The following TBC1D24 variants were observed in gnomAD, a reference collection of about 807,000 sequenced individuals.
TBC1D24 encodes Infantile myoclonic epilepsy.
TBC1D24 carries 47 observed loss-of-function variants against 50.7 expected under a neutral mutation model. The ratio of observed to expected loss-of-function variants is 0.93; its 90% CI spans 0.73 to 1.18. The LOEUF is 1.18. TBC1D24 is among the 50% of genes most tolerant of loss of function. The probability of loss-of-function intolerance (pLI) is 0.00; values close to 1 mark genes in which losing one functional copy is unlikely to be tolerated. For missense variants in TBC1D24, 688 were observed against 766.5 expected (o/e 0.90, Z 1.21); for synonymous variants, 324 against 335.2 (o/e 0.97, Z 0.36).
rs2065618211 is a variant in TBC1D24 at position 2,482,619 on chromosome 16, G to A, written c.-116+7449G>A. Among the ~76,000 whole-genome samples the A allele has an allele frequency of 6.6e-6, 1 of 152,190 alleles. No individual in the cohort carries two copies. ...GAGAGGGTTTCGGGTGGAGAACGGTGACCGGGTGAAGCCCTGAGTGGGCAG... is the reference window on the plus strand; with the variant it reads ...GAGAGGGTTTCGGGTGGAGAACGGTAACCGGGTGAAGCCCTGAGTGGGCAG... On this transcript the variant is annotated intron_variant, in intron 1 of 7. Transcript: ENST00000646147. The surrounding 1 kb of genome is among the most constrained non-coding windows in gnomAD (Gnocchi z 5.2).
Position 2,500,585 on chromosome 16 carries a change from A to G in TBC1D24, c.1525+95A>G. Reference sequence around the variant, plus strand: ...CCCTCCCTGACCGGGGTGGCAGAGAAGAGGCCCTGGGTGTCAGGGTGGACC... The same window carrying G: ...CCCTCCCTGACCGGGGTGGCAGAGAGGAGGCCCTGGGTGTCAGGGTGGACC... On this transcript the variant is annotated intron_variant, in intron 7 of 7. Coordinates refer to ENST00000646147, the MANE Select transcript of TBC1D24 (RefSeq NM_001199107.2). The surrounding 1 kb of genome is among the most constrained non-coding windows in gnomAD (Gnocchi z 8.0). The G allele has an allele frequency of 7.1e-7, 1 of 1,399,316 alleles. No individual in the cohort carries two copies. The highest frequency in any genetic ancestry group is 2.1e-5 in the Admixed American group (1 of 48,614). The allele number at this position is 1,399,316 out of a possible 1,614,324, so 86.7% of individuals were successfully genotyped here.
In TBC1D24 at chr16:2,482,822, C is replaced by T. The variant is rs1009952280; in HGVS notation, c.-116+7652C>T. 1.3e-5 allele frequency among the ~76,000 whole-genome samples: 2 copies of T among 152,170 alleles called. No homozygotes were observed. Among genetic ancestry groups the T allele is most frequent in the Non-Finnish European group, 1.5e-5 (1 of 67,992 alleles). On this transcript the variant is annotated intron_variant, in intron 1 of 7. Coordinates refer to ENST00000646147, the MANE Select transcript of TBC1D24 (RefSeq NM_001199107.2). The surrounding 1 kb of genome is among the most constrained non-coding windows in gnomAD (Gnocchi z 5.2). The stretch of plus-strand genomic sequence containing the variant: ...CAGGCACGGGCGGTGGAGGAGCAGC[C>T]GCGGAGAGGTGAGGGGATGCCTGGC...
At chr16:2,497,792 C>T (rs1410439541) in intron 3 of TBC1D24, 65 bp downstream of exon 3, 25 of 1,475,774 alleles carry the variant, frequency 1.7e-5, no homozygotes, top group Non-Finnish European at 2.3e-5. Context: ...TCTAGGCCAG[C>T]TGCTTGCTCT....
Position 2,487,191 on chromosome 16 carries a change from C to A in TBC1D24, c.-115-8843C>A, listed in dbSNP as rs1246710187. On this transcript the variant is annotated intron_variant, in intron 1 of 7. Transcript: ENST00000646147. The surrounding 1 kb of genome is among the most constrained non-coding windows in gnomAD (Gnocchi z 4.1). Reference sequence around the variant, plus strand: ...ACCCACAGGCTGCCTCCACACCTTTCCGCCCCTTCCACAGCAGCAGGCACA... The same window carrying A: ...ACCCACAGGCTGCCTCCACACCTTTACGCCCCTTCCACAGCAGCAGGCACA... 6.6e-6 allele frequency among the ~76,000 whole-genome samples: 1 copy of A among 152,272 alleles called. No individual in the cohort carries two copies. Among genetic ancestry groups the A allele is most frequent in the Non-Finnish European group, 1.5e-5 (1 of 68,050 alleles).
At chr16:2,481,675 A>T (rs2065611422) in intron 1 of TBC1D24, 1 of 152,292 alleles carries the variant, frequency 6.6e-6, no homozygotes, top group African/African-American at 2.4e-5. Flanking sequence ...GTCCTGTGCC[A>T]GCTCCAGCCC....
At position 2,499,321 on chromosome 16, in the gene TBC1D24, G is replaced by A. The variant is rs1436259768; in HGVS notation, c.1143-36G>A. The A allele has an allele frequency of 3.8e-6, 6 of 1,598,960 alleles. No homozygotes were observed. Among genetic ancestry groups the A allele is most frequent in the East Asian group, 2.2e-5 (1 of 44,534 alleles). On this transcript the variant is annotated intron_variant, in intron 4 of 7. Transcript: ENST00000646147. This position sits in a 1 kb window ranked among gnomAD's most constrained non-coding sequence, Gnocchi z 4.0. ...CTGCAGGAGGCGGCTGGGAGGGTGT[G>A]CAGGGTGACAGCTGGCATGCGTGTC...
Position 2,496,798 on chromosome 16 carries a change from T to A in TBC1D24, c.650T>A (p.Phe217Tyr), listed in dbSNP as rs1441237124. The change falls in exon 2 of 8, where the codon TTT becomes TAT. Residue 217 changes from phenylalanine (F) to tyrosine (Y), a missense_variant. By Grantham distance (22) the Phe-to-Tyr change is conservative. Transcript: ENST00000646147. ...QVYADWQRWL[F>Y]GELPLCYFAR... ...TATGCGGACTGGCAGCGCTGGCTGT[T>A]TGGGGAGCTGCCCCTCTGCTACTTC... The A allele has an allele frequency of 6.2e-7, 1 of 1,614,000 alleles. No individual in the cohort carries two copies. The highest frequency in any genetic ancestry group is 8.5e-7 in the Non-Finnish European group (1 of 1,180,032).
At chr16:2,492,602 C>T (rs1166100152) in intron 1 of TBC1D24, among the ~76,000 whole-genome samples, 2 of 152,124 alleles carry the variant, frequency 1.3e-5, no homozygotes, top group South Asian at 2.1e-4. Flanking sequence ...GATAACCGAC[C>T]GACACGTGTA....
intron 1 of TBC1D24, among the ~76,000 whole-genome samples, chr16:2,490,585 T>C (rs1043965616): frequency 2.0e-5 from 3 of 152,212 alleles, no homozygotes. Context: ...GTCACCCTTA[T>C]GTCACCTGCA....
chr16:2,493,100 T>A (rs2065709427), intron 1 of TBC1D24, among the ~76,000 whole-genome samples: 1 of 151,604 alleles, frequency 6.6e-6, no homozygotes, highest in African/African-American at 2.4e-5. Context: ...CTCAAAAAAA[T>A]AAATAAATAA....
chr16:2,504,414 C>CTTTTTTTTT lies in TBC1D24; in HGVS notation c.*3470_*3478dup, dbSNP rs901354911. ...AACCACAGGCCTATTGAGATTGTCC[C>CTTTTTTTTT]TTTTTTTTTTTTTTTTTTTTTTGAG... On this transcript the variant is annotated 3_prime_UTR_variant, in exon 8 of 8. Transcript: ENST00000646147. The CTTTTTTTTT allele has an allele frequency of 9.5e-5, 12 of 125,660 alleles. No individual in the cohort carries two copies. The highest frequency in any genetic ancestry group is 4.0e-4 in the African/African-American group (12 of 29,986). 7.8% of individuals were successfully genotyped at this position (125,660 alleles called of 1,614,324 possible). A position where few individuals can be genotyped will look rare whatever the true frequency, so the allele number is the denominator to read the frequency against.
At position 2,482,057 on chromosome 16, in the gene TBC1D24, C is replaced by T. The variant is rs1002716293; in HGVS notation, c.-116+6887C>T. On this transcript the variant is annotated intron_variant, in intron 1 of 7. Coordinates refer to ENST00000646147, the MANE Select transcript of TBC1D24 (RefSeq NM_001199107.2). This position sits in a 1 kb window ranked among gnomAD's most constrained non-coding sequence, Gnocchi z 5.2. ...CTCTGCTTCAGGCTGAGGCAGGCAC[C>T]CCTTACCTTCCTGTTATGTGAAGAT... is the stretch of plus-strand genomic sequence containing the variant. The T allele has an allele frequency of 6.6e-6, 1 of 152,236 alleles. No homozygotes were observed. The highest frequency in any genetic ancestry group is 2.4e-5 in the African/African-American group (1 of 41,452). 9.4% of individuals were successfully genotyped at this position (152,236 alleles called of 1,614,324 possible).
In TBC1D24 at chr16:2,496,860, A is replaced by G. The variant is rs1346421548; in HGVS notation, c.712A>G (p.Lys238Glu). 1 of 1,613,938 alleles carries G rather than the reference A, an allele frequency of 6.2e-7. No individual in the cohort carries two copies. The highest frequency in any genetic ancestry group is 2.2e-5 in the East Asian group (1 of 44,892). Residue 238 changes from lysine to glutamate, a missense_variant, in exon 2 of 8, where the codon AAG becomes GAG. Coordinates refer to ENST00000646147, the MANE Select transcript of TBC1D24 (RefSeq NM_001199107.2). ...VFDVFLVEGY[K>E]VLYRVALAIL... ...TGACGTCTTCCTGGTGGAGGGCTAC[A>G]AGGTGCTGTACCGCGTGGCGCTGGC...
Position 2,486,773 on chromosome 16 carries a change from C to T in TBC1D24, c.-115-9261C>T, listed in dbSNP as rs1950016696. On this transcript the variant is annotated intron_variant, in intron 1 of 7. Transcript: ENST00000646147. This position sits in a 1 kb window ranked among gnomAD's most constrained non-coding sequence, Gnocchi z 5.8. ...ATCGAAACTGGCTTTGAAAACTTCA[C>T]AGTGGAGCTTCCCTGGGCTGGAATT... Among the ~76,000 whole-genome samples, 1 of 152,228 alleles carries T rather than the reference C, an allele frequency of 6.6e-6. No homozygotes were observed. The highest frequency in any genetic ancestry group is 2.4e-5 in the African/African-American group (1 of 41,462).
rs2065558950 is a variant in TBC1D24 at position 2,475,481 on chromosome 16, T to TGA, written c.-116+312_-116+313dup. Among the ~76,000 whole-genome samples, 2 of 151,222 alleles carry TGA rather than the reference T, an allele frequency of 1.3e-5. No individual in the cohort carries two copies. The highest frequency in any genetic ancestry group is 2.4e-5 in the African/African-American group (1 of 41,078). On this transcript the variant is annotated intron_variant, in intron 1 of 7. Transcript: ENST00000646147. This position sits in a 1 kb window ranked among gnomAD's most constrained non-coding sequence, Gnocchi z 4.2. ...CAGGGCATGGTGTCGTCTGGAAGAGTGACTGTGTCACTGTTTCCTTGGGGC... is the reference window on the plus strand; with the variant it reads ...CAGGGCATGGTGTCGTCTGGAAGAGTGAGACTGTGTCACTGTTTCCTTGGGGC...
rs927336010 is a variant in TBC1D24, at chr16:2,501,804, C to T, written c.*846C>T. 6.5e-6 allele frequency: 1 copy of T among 153,030 alleles called. No individual in the cohort carries two copies. The highest frequency in any genetic ancestry group is 6.5e-5 in the Admixed American group (1 of 15,318). The allele number at this position is 153,030 out of a possible 1,614,324, so 9.5% of individuals were successfully genotyped here. The stretch of plus-strand genomic sequence containing the variant: ...GGGACCGACCCAGACCAGCAAGCTC[C>T]ATTTCCAGGGGTCTGCCCAGAGAAG... On this transcript the variant is annotated 3_prime_UTR_variant, in exon 8 of 8. Coordinates refer to ENST00000646147, the MANE Select transcript of TBC1D24 (RefSeq NM_001199107.2).
chr16:2,488,752 CT>C (rs112675396), intron 1 of TBC1D24, among the ~76,000 whole-genome samples: 145 of 120,466 alleles, frequency 1.2e-3, no homozygotes, highest in South Asian at 4.6e-3. Flanking sequence ...CACCTGGCTG[CT>C]TTTTTTTTTT....
Position 2,499,327 on chromosome 16 carries a change from T to G in TBC1D24, c.1143-30T>G. ...GAGGCGGCTGGGAGGGTGTGCAGGGTGACAGCTGGCATGCGTGTCTCTACG... is the reference window on the plus strand; with the variant it reads ...GAGGCGGCTGGGAGGGTGTGCAGGGGGACAGCTGGCATGCGTGTCTCTACG... On this transcript the variant is annotated intron_variant, in intron 4 of 7. Transcript: ENST00000646147. This position sits in a 1 kb window ranked among gnomAD's most constrained non-coding sequence, Gnocchi z 4.0. The G allele has an allele frequency of 6.2e-7, 1 of 1,603,442 alleles. No individual in the cohort carries two copies. The highest frequency in any genetic ancestry group is 1.1e-5 in the South Asian group (1 of 89,808).
rs145841901 is a variant in TBC1D24, at chr16:2,503,268, C to A, written c.*2310C>A. 23 of 152,284 alleles carry A rather than the reference C, an allele frequency of 1.5e-4. No homozygotes were observed. Among genetic ancestry groups the A allele is most frequent in the African/African-American group, 3.6e-4 (15 of 41,572 alleles). 9.4% of individuals were successfully genotyped at this position (152,284 alleles called of 1,614,324 possible). A position where few individuals can be genotyped will look rare whatever the true frequency, so the allele number is the denominator to read the frequency against. On this transcript the variant is annotated 3_prime_UTR_variant, in exon 8 of 8. Coordinates refer to ENST00000646147, the MANE Select transcript of TBC1D24 (RefSeq NM_001199107.2). The stretch of plus-strand genomic sequence containing the variant: ...AATATTGTTTCTTTAAATTTAATAT[C>A]TTTTCCTAACTTTTCTACTAACCTA...
Sources: gnomAD v4.1 joint callset for allele counts (sites outside exome capture counted in the v4.1 genomes callset) on GRCh38, gnomAD v4.1.1 for gene constraint, Gnocchi (gnomAD v3.1) non-coding constraint, MANE v1.5 for transcripts, NCBI Gene and HGNC (gene_info 2026-07-23, HGNC 2026-07-21) for gene names.